Variants in SEC23A observed in about 807,000 individuals in gnomAD.
SEC23A encodes protein transport protein Sec23A.
A neutral mutation model predicts 103.7 loss-of-function variants in SEC23A; 56 were observed. The observed-to-expected ratio is 0.54, with a 90% CI of 0.44 to 0.67. The LOEUF (loss-of-function observed/expected upper bound fraction) is 0.67. SEC23A is among the 30% of genes least tolerant of loss of function. The probability of loss-of-function intolerance (pLI) is 0.00; values close to 1 mark genes in which losing one functional copy is unlikely to be tolerated. For synonymous variants in SEC23A, 281 were observed against 293.0 expected (o/e 0.96, Z 0.42); for missense variants, 784 against 936.4 (o/e 0.84, Z 2.12).
chr14:39,084,693 G>A (rs141058069), intron 7 of SEC23A, among the ~76,000 whole-genome samples: 2,132 of 151,926 alleles, frequency 0.014, 57 homozygotes, highest in African/African-American at 0.048. Flanking sequence ...TTTTTGAGAC[G>A]GAGTCTCACT....
rs1045471975 is a variant in SEC23A, at chr14:39,038,515, C to CT, written c.2208+515dup. Reference sequence around the variant, plus strand: ...GATATGTTATACCAAGAGGTTAACACTTTTTTTTTTTAAGAGATGGAGTCT... The same window carrying CT: ...GATATGTTATACCAAGAGGTTAACACTTTTTTTTTTTTAAGAGATGGAGTCT... On this transcript the variant is annotated intron_variant, in intron 19 of 19. Transcript: ENST00000307712. Among the ~76,000 whole-genome samples the CT allele has an allele frequency of 3.2e-4, 47 of 147,500 alleles. No individual in the cohort carries two copies. The East Asian group carries it at 4.5e-3, about 14-fold the overall frequency.
intron 13 of SEC23A, among the ~76,000 whole-genome samples, chr14:39,058,302 A>T (rs8004371): frequency 7.2e-4 from 101 of 140,064 alleles, no homozygotes; most frequent in Admixed American, 1.4e-3. Flanking sequence ...TTTTTTTTTT[A>T]ATTTTTTTTA....
Position 39,039,014 on chromosome 14 carries a change from C to T in SEC23A, c.2208+17G>A. The T allele has an allele frequency of 6.3e-7, 1 of 1,589,912 alleles. No homozygotes were observed. Among genetic ancestry groups the T allele is most frequent in the Non-Finnish European group, 8.6e-7 (1 of 1,158,202 alleles). On this transcript the variant is annotated intron_variant, in intron 19 of 19. Transcript: ENST00000307712. ...TACACAAAGAAATAATTTCCAAGAC[C>T]TGCTATTTAAACTTACCTGCCCCCA...
At chr14:39,081,396 T>C (rs1389703750) in intron 7 of SEC23A, among the ~76,000 whole-genome samples, 1 of 152,174 alleles carries the variant, frequency 6.6e-6, no homozygotes, top group Non-Finnish European at 1.5e-5. Context: ...TTAAGTCTTC[T>C]TAAGAAATTT....
chr14:39,101,367 C>A (rs2139309261), intron 1 of SEC23A, among the ~76,000 whole-genome samples: 1 of 152,100 alleles, frequency 6.6e-6, no homozygotes, highest in Admixed American at 6.5e-5. Flanking sequence ...CACCTGTAAT[C>A]CCAGCACTTT....
intron 8 of SEC23A, 121 bp downstream of exon 8, chr14:39,075,813 AC>A: frequency 2.6e-6 from 2 of 777,836 alleles, no homozygotes; most frequent in Non-Finnish European, 2.2e-6. Context: ...AATTCTGAAT[AC>A]CAGTTATAGT....
At chr14:39,083,202 T>C (rs1887287339) in intron 7 of SEC23A, among the ~76,000 whole-genome samples, 1 of 152,164 alleles carries the variant, frequency 6.6e-6, no homozygotes, top group East Asian at 1.9e-4. Context: ...ACTAAAGGGA[T>C]AAGTCAAGCT....
chr14:39,060,233 CA>C (rs895741572), intron 13 of SEC23A, among the ~76,000 whole-genome samples: 2 of 152,034 alleles, frequency 1.3e-5, no homozygotes, highest in African/African-American at 4.8e-5. Context: ...ATTTTTTCTT[CA>C]AATGAATAAT....
intron 1 of SEC23A, among the ~76,000 whole-genome samples, chr14:39,097,442 G>C (rs760886333): frequency 6.6e-6 from 1 of 152,152 alleles, no homozygotes; most frequent in Non-Finnish European, 1.5e-5. Flanking sequence ...GTTGCTAAGA[G>C]CAATAGTGGG....
At chr14:39,054,260 G>C (rs1207263764) in intron 14 of SEC23A, among the ~76,000 whole-genome samples, 1 of 151,228 alleles carries the variant, frequency 6.6e-6, no homozygotes, top group African/African-American at 2.4e-5. Flanking sequence ...GGGTGACAGA[G>C]TGAGACCCTG....
intron 9 of SEC23A, among the ~76,000 whole-genome samples, chr14:39,069,422 T>C (rs1886772562): frequency 6.6e-6 from 1 of 152,150 alleles, no homozygotes. Flanking sequence ...GCTACTTTGT[T>C]CTCCTTGCTA....
At chr14:39,080,413 T>G (rs1887184269) in intron 7 of SEC23A, among the ~76,000 whole-genome samples, 1 of 152,182 alleles carries the variant, frequency 6.6e-6, no homozygotes, top group Non-Finnish European at 1.5e-5. Context: ...ACGGCAGTTG[T>G]TTTTTTCTTT....
intron 7 of SEC23A, among the ~76,000 whole-genome samples, chr14:39,080,611 G>T (rs1887192905): frequency 6.6e-6 from 1 of 152,076 alleles, no homozygotes; most frequent in Non-Finnish European, 1.5e-5. Flanking sequence ...TCACCACGTT[G>T]GCCAGGCTGG....
intron 18 of SEC23A, 23 bp from the exon 19 acceptor site, chr14:39,039,119 C>T: frequency 6.2e-7 from 1 of 1,600,066 alleles, no homozygotes; most frequent in East Asian, 2.2e-5. Context: ...GAAGAAATAA[C>T]ATTATCCATC....
intron 1 of SEC23A, among the ~76,000 whole-genome samples, chr14:39,102,608 C>T (rs1025211022): frequency 6.6e-6 from 1 of 152,222 alleles, no homozygotes; most frequent in Non-Finnish European, 1.5e-5. Flanking sequence ...TCCCCTTTAA[C>T]CCCTTTAACT....
intron 7 of SEC23A, among the ~76,000 whole-genome samples, chr14:39,084,334 G>A (rs1037569967): frequency 2.0e-5 from 3 of 151,966 alleles, no homozygotes; most frequent in Non-Finnish European, 2.9e-5. Context: ...CCACTATTTT[G>A]TAATTCTAAA....
chr14:39,038,070 TC>T, intron 19 of SEC23A, among the ~76,000 whole-genome samples: 1 of 152,310 alleles, frequency 6.6e-6, no homozygotes, highest in Non-Finnish European at 1.5e-5. Context: ...AACCTGACAT[TC>T]AAGATCCTCC....
intron 14 of SEC23A, among the ~76,000 whole-genome samples, chr14:39,053,719 GAC>G (rs1347453877): frequency 6.6e-6 from 1 of 152,154 alleles, no homozygotes; most frequent in Non-Finnish European, 1.5e-5. Flanking sequence ...AAAGCCACTG[GAC>G]ACAGAAATTC....
intron 7 of SEC23A, 41 bp downstream of exon 7, chr14:39,085,721 C>CAA: frequency 6.7e-7 from 1 of 1,487,290 alleles, no homozygotes; most frequent in Non-Finnish European, 9.3e-7. Flanking sequence ...CACACACACA[C>CAA]ACACACACTT....
Sources: gnomAD v4.1 joint callset for allele counts (sites outside exome capture counted in the v4.1 genomes callset) on GRCh38, gnomAD v4.1.1 for gene constraint, MANE v1.5 for transcripts, NCBI Gene and HGNC (gene_info 2026-07-23, HGNC 2026-07-21) for gene names.